Variants in MACROD2 observed in about 807,000 individuals in gnomAD.
The protein encoded by MACROD2 is mono-ADP ribosylhydrolase 2.
MACROD2 carries 36 observed loss-of-function variants against 70.4 expected under a neutral mutation model. The ratio of observed to expected loss-of-function variants is 0.51; its 90% CI spans 0.39 to 0.68. The LOEUF is 0.68. Among genes scored for constraint, MACROD2 ranks in the 30% least tolerant of loss-of-function variants. The pLI, the probability that MACROD2 is intolerant of heterozygous loss-of-function variation, is 0.00. For missense variants in MACROD2, 496 were observed against 538.4 expected, an observed-to-expected ratio of 0.92 and a Z score of 0.78; for synonymous variants, 172 against 178.8, an observed-to-expected ratio of 0.96 and a Z score of 0.30.
chr20:15,364,695 G>A (rs766803626), intron 6 of MACROD2, among the ~76,000 whole-genome samples: 11 of 152,142 alleles, frequency 7.2e-5, no homozygotes, highest in Non-Finnish European at 1.5e-4. Flanking sequence ...ATATAGGCAC[G>A]TTATCTCCTC....
chr20:14,876,341 A>T (rs1192516624), intron 5 of MACROD2, among the ~76,000 whole-genome samples: 1 of 151,908 alleles, frequency 6.6e-6, no homozygotes, highest in East Asian at 1.9e-4. Context: ...TCAGTTGTTT[A>T]AGTTACTTAT....
At chr20:14,852,002 C>T (rs1334566329) in intron 5 of MACROD2, among the ~76,000 whole-genome samples, 2 of 152,052 alleles carry the variant, frequency 1.3e-5, no homozygotes, top group Non-Finnish European at 2.9e-5. Flanking sequence ...CCAGAGGGGA[C>T]ATGTCAGAGA....
Position 14,532,305 on chromosome 20 carries a change from G to A in MACROD2, c.301+38797G>A, listed in dbSNP as rs772411783. Among the ~76,000 whole-genome samples the A allele has an allele frequency of 1.7e-3, 243 of 145,030 alleles. 1 individual carries two copies. The highest frequency in any genetic ancestry group is 2.1e-3 in the Non-Finnish European group (142 of 67,124). ...GCAATCTCGGCTCACTGCAACCTCC[G>A]CCTCCCGGGTTCAGCCATTCTCCTG... On this transcript the variant is annotated intron_variant, in intron 4 of 17. Coordinates refer to ENST00000684519, the MANE Select transcript of MACROD2 (RefSeq NM_001351661.2).
chr20:14,286,395 G>A (rs1312959608), intron 3 of MACROD2, among the ~76,000 whole-genome samples: 1 of 151,986 alleles, frequency 6.6e-6, no homozygotes, highest in African/African-American at 2.4e-5. Context: ...AAACTACAAT[G>A]GGTTTTTGTT....
chr20:15,285,226 G>A (rs1301247899), intron 6 of MACROD2, among the ~76,000 whole-genome samples: 1 of 152,076 alleles, frequency 6.6e-6, no homozygotes, highest in Admixed American at 6.6e-5. Flanking sequence ...GGTAAAGACT[G>A]GATTGCAGAA....
intron 8 of MACROD2, among the ~76,000 whole-genome samples, chr20:15,837,428 C>T (rs2064126016): frequency 2.0e-5 from 3 of 152,230 alleles, no homozygotes; most frequent in East Asian, 1.9e-4. Flanking sequence ...ACTACAGACT[C>T]GTATCTACCT....
At chr20:14,305,219 C>T (rs763106472) in intron 3 of MACROD2, among the ~76,000 whole-genome samples, 5 of 152,094 alleles carry the variant, frequency 3.3e-5, no homozygotes, top group Non-Finnish European at 5.9e-5. Context: ...TCCTGTTTAT[C>T]TAAAATATAG....
At chr20:14,445,269 A>G (rs1311756672) in intron 3 of MACROD2, among the ~76,000 whole-genome samples, 1 of 151,982 alleles carries the variant, frequency 6.6e-6, no homozygotes, top group African/African-American at 2.4e-5. Context: ...TTCCCTGCAT[A>G]TCTCCAGCAT....
intron 3 of MACROD2, among the ~76,000 whole-genome samples, chr20:14,229,773 A>G (rs947276382): frequency 6.6e-5 from 10 of 152,218 alleles, no homozygotes; most frequent in Admixed American, 3.3e-4. Flanking sequence ...CTACTTTATC[A>G]TAATTGGACC....
At chr20:15,642,640 ACG>A (rs965086307) in intron 8 of MACROD2, among the ~76,000 whole-genome samples, 3 of 136,960 alleles carry the variant, frequency 2.2e-5, no homozygotes, top group Non-Finnish European at 3.2e-5. Context: ...ACACACACAC[ACG>A]TGTGCATGCA....
At chr20:15,926,148 C>T (rs184613539) in intron 10 of MACROD2, among the ~76,000 whole-genome samples, 61 of 152,188 alleles carry the variant, frequency 4.0e-4, no homozygotes, top group Admixed American at 3.1e-3. Flanking sequence ...AATAAGGAGA[C>T]GATGGCAATG....
intron 3 of MACROD2, among the ~76,000 whole-genome samples, chr20:14,335,720 A>T (rs2082923667): frequency 1.3e-5 from 2 of 152,142 alleles, no homozygotes; most frequent in African/African-American, 4.8e-5. Flanking sequence ...CATTATGTTT[A>T]TTCATTCACT....
chr20:14,336,556 A>T (rs1301869289), intron 3 of MACROD2, among the ~76,000 whole-genome samples: 1 of 152,196 alleles, frequency 6.6e-6, no homozygotes, highest in Admixed American at 6.5e-5. Context: ...TATAAGTTGC[A>T]AAGAATGGAT....
At chr20:14,251,997 A>G (rs1339898173) in intron 3 of MACROD2, among the ~76,000 whole-genome samples, 1 of 152,074 alleles carries the variant, frequency 6.6e-6, no homozygotes, top group Non-Finnish European at 1.5e-5. Context: ...GTTGTAAGCA[A>G]TAATATCTGT....
intron 3 of MACROD2, among the ~76,000 whole-genome samples, chr20:14,285,979 CA>C (rs5840605): frequency 0.39 from 56,178 of 143,224 alleles, 11,719 homozygotes; most frequent in Non-Finnish European, 0.49. Flanking sequence ...ACTCTGCAGC[CA>C]AAAAAAAAAA....
At chr20:15,901,816 G>A (rs556586563) in intron 10 of MACROD2, among the ~76,000 whole-genome samples, 2 of 152,172 alleles carry the variant, frequency 1.3e-5, no homozygotes, top group South Asian at 4.2e-4. Context: ...CTAGTTATCG[G>A]CCCTCAGTTC....
intron 10 of MACROD2, among the ~76,000 whole-genome samples, chr20:15,898,560 A>C (rs937803242): frequency 4.0e-5 from 6 of 150,916 alleles, no homozygotes; most frequent in African/African-American, 1.5e-4. Flanking sequence ...AAAAAAAAAA[A>C]AAAAAAAAAA....
intron 5 of MACROD2, among the ~76,000 whole-genome samples, chr20:15,062,421 C>CA (rs1293880590): frequency 6.6e-6 from 1 of 151,992 alleles, no homozygotes; most frequent in Admixed American, 6.6e-5. Context: ...TTTACCTAGA[C>CA]ATCCTGTATT....
intron 12 of MACROD2, 88 bp from the exon 13 acceptor site, chr20:15,967,465 C>A: frequency 9.3e-7 from 1 of 1,078,042 alleles, no homozygotes; most frequent in Non-Finnish European, 1.4e-6. Flanking sequence ...TATTTTTCCT[C>A]AAACATAAAT....
Sources: allele counts gnomAD v4.1 joint callset (sites outside exome capture counted in the v4.1 genomes callset), GRCh38; gene constraint gnomAD v4.1.1; transcripts MANE v1.5; gene names NCBI Gene and HGNC (gene_info 2026-07-23, HGNC 2026-07-21).